Variants in CAMK2B observed in about 807,000 individuals in gnomAD.
CAMK2B encodes the protein calcium/calmodulin-dependent protein kinase type II subunit beta.
A neutral mutation model predicts 93.7 loss-of-function variants in CAMK2B; 27 were observed. That is an observed-to-expected ratio of 0.29 (90% confidence interval 0.21 to 0.40). The LOEUF (loss-of-function observed/expected upper bound fraction) is 0.40, where lower values mean the gene tolerates loss of function less well. Among genes scored for constraint, CAMK2B ranks in the 10% least tolerant of loss-of-function variants. CAMK2B has a pLI of 1.00. For synonymous variants in CAMK2B, 374 were observed against 358.8 expected (o/e 1.04, Z -0.48); for missense variants, 568 against 895.8 (o/e 0.63, Z 4.67).
chr7:44,222,037 C>T (rs1358143146), intron 20 of CAMK2B, among the ~76,000 whole-genome samples: 2 of 152,192 alleles, frequency 1.3e-5, no homozygotes, highest in African/African-American at 2.4e-5. Flanking sequence ...GGTCCCTAGC[C>T]GTATCTGCGA....
intron 1 of CAMK2B, 126 bp from the exon 2 acceptor site, chr7:44,284,351 G>T: frequency 1.4e-6 from 1 of 693,978 alleles, no homozygotes; most frequent in Non-Finnish European, 2.5e-6. Context: ...GCCTCGGGCA[G>T]ATGGCTGTGA....
intron 1 of CAMK2B, among the ~76,000 whole-genome samples, chr7:44,319,018 T>C (rs1043352899): frequency 2.0e-5 from 3 of 152,228 alleles, no homozygotes; most frequent in African/African-American, 4.8e-5. Context: ...AGTTTTTCTA[T>C]GAATAAAATA....
chr7:44,283,681 C>T (rs1255343273), intron 2 of CAMK2B, among the ~76,000 whole-genome samples: 1 of 152,240 alleles, frequency 6.6e-6, no homozygotes, highest in African/African-American at 2.4e-5. Context: ...TCACCTGAAA[C>T]TTTGTCACTG....
At chr7:44,244,722 T>A (rs2096714027) in intron 6 of CAMK2B, among the ~76,000 whole-genome samples, 1 of 151,448 alleles carries the variant, frequency 6.6e-6, no homozygotes, top group African/African-American at 2.4e-5. Flanking sequence ...ACATATGCTA[T>A]CCCCATGTGG....
chr7:44,269,753 C>G (rs1442446689), intron 2 of CAMK2B, among the ~76,000 whole-genome samples: 1 of 152,110 alleles, frequency 6.6e-6, no homozygotes, highest in Non-Finnish European at 1.5e-5. Context: ...CTGCCTCCCC[C>G]TCTCGCCCAA....
At chr7:44,317,221 T>C (rs1034750128) in intron 1 of CAMK2B, among the ~76,000 whole-genome samples, 8 of 149,860 alleles carry the variant, frequency 5.3e-5, no homozygotes, top group African/African-American at 1.7e-4. Flanking sequence ...ACTGTAACTA[T>C]TATCCTTAAA....
intron 1 of CAMK2B, among the ~76,000 whole-genome samples, chr7:44,319,999 A>G (rs981790109): frequency 2.0e-5 from 3 of 152,332 alleles, no homozygotes; most frequent in Middle Eastern, 3.4e-3. Flanking sequence ...TTAAGAGGCC[A>G]GGTACCTCTG....
chr7:44,238,799 C>T (rs1412826037), intron 13 of CAMK2B, among the ~76,000 whole-genome samples: 1 of 152,196 alleles, frequency 6.6e-6, no homozygotes, highest in Non-Finnish European at 1.5e-5. Context: ...GTCAGCTTGG[C>T]CTGCCCTAAG....
intron 2 of CAMK2B, among the ~76,000 whole-genome samples, chr7:44,269,620 C>A (rs1584429818): frequency 1.3e-5 from 2 of 152,234 alleles, no homozygotes; most frequent in South Asian, 4.1e-4. Context: ...GGCACCGGGC[C>A]CCCCGCCAGC....
chr7:44,265,177 G>A (rs763358538), intron 2 of CAMK2B, among the ~76,000 whole-genome samples: 5 of 152,242 alleles, frequency 3.3e-5, no homozygotes, highest in South Asian at 2.1e-4. Flanking sequence ...TCCCTGCCCC[G>A]CCCCTGCTTC....
At chr7:44,288,961 G>A (rs372434081) in intron 1 of CAMK2B, among the ~76,000 whole-genome samples, 4 of 152,238 alleles carry the variant, frequency 2.6e-5, no homozygotes, top group East Asian at 3.9e-4. Context: ...GTGGGCTCTC[G>A]GGGCTTCACA....
At chr7:44,321,640 C>T (rs1444188988) in intron 1 of CAMK2B, among the ~76,000 whole-genome samples, 2 of 152,152 alleles carry the variant, frequency 1.3e-5, no homozygotes, top group Non-Finnish European at 2.9e-5. Context: ...CCCTAGCTGC[C>T]ATCTCCGCCA....
chr7:44,222,272 C>T (rs1389667720), intron 20 of CAMK2B, among the ~76,000 whole-genome samples: 1 of 152,198 alleles, frequency 6.6e-6, no homozygotes, highest in Admixed American at 6.5e-5. Flanking sequence ...CAGGCTGCTG[C>T]AGGCCGCACC....
intron 5 of CAMK2B, among the ~76,000 whole-genome samples, chr7:44,249,419 C>A (rs1584190902): frequency 6.6e-6 from 1 of 152,300 alleles, no homozygotes; most frequent in East Asian, 1.9e-4. Context: ...AGGGGCCCTC[C>A]CAAGGGCCAG....
intron 22 of CAMK2B, 89 bp downstream of exon 22, chr7:44,220,527 T>G: frequency 8.6e-7 from 1 of 1,156,968 alleles, no homozygotes; most frequent in Non-Finnish European, 1.2e-6. Flanking sequence ...AGGGCTTCCA[T>G]AGGCAGCCAC....
chr7:44,252,806 G>A (rs1019684394), intron 5 of CAMK2B, among the ~76,000 whole-genome samples: 3 of 152,228 alleles, frequency 2.0e-5, no homozygotes, highest in Non-Finnish European at 2.9e-5. Flanking sequence ...GCTCAGAGCA[G>A]GGGGACAGGG....
chr7:44,276,431 C>T (rs184878794), intron 2 of CAMK2B, among the ~76,000 whole-genome samples: 8 of 152,154 alleles, frequency 5.3e-5, no homozygotes, highest in African/African-American at 1.2e-4. Context: ...GCAGCACCCC[C>T]CCGCCACCCA....
chr7:44,315,308 T>A (rs1211317578), intron 1 of CAMK2B, among the ~76,000 whole-genome samples: 1 of 152,246 alleles, frequency 6.6e-6, no homozygotes, highest in Non-Finnish European at 1.5e-5. Flanking sequence ...GATACTCAAT[T>A]GTCCATTTGT....
chr7:44,245,341 T>C (rs2096719965), intron 6 of CAMK2B, among the ~76,000 whole-genome samples: 1 of 152,176 alleles, frequency 6.6e-6, no homozygotes, highest in Non-Finnish European at 1.5e-5. Flanking sequence ...CCCACTACTC[T>C]GCTGCTTCCT....
Sources: gnomAD v4.1 joint callset for allele counts (sites outside exome capture counted in the v4.1 genomes callset) on GRCh38, gnomAD v4.1.1 for gene constraint, MANE v1.5 for transcripts, NCBI Gene and HGNC (gene_info 2026-07-23, HGNC 2026-07-21) for gene names.